Variants in ATXN1 observed in about 807,000 individuals in gnomAD.
ATXN1 encodes ataxin 1.
A neutral mutation model predicts 56.4 loss-of-function variants in ATXN1; 8 were observed. That is an observed-to-expected ratio of 0.14 (90% CI 0.08 to 0.26). ATXN1 has a LOEUF of 0.26. Among genes scored for constraint, ATXN1 ranks in the 10% least tolerant of loss-of-function variants. The pLI is 1.00. For missense variants in ATXN1, 987 were observed against 1,106.5 expected (o/e 0.89, Z 1.53); for synonymous variants, 514 against 494.6 (o/e 1.04, Z -0.52).
chr6:16,609,861 A>G (rs1395541443), intron 3 of ATXN1, among the ~76,000 whole-genome samples: 1 of 152,224 alleles, frequency 6.6e-6, no homozygotes, highest in Non-Finnish European at 1.5e-5. Context: ...GGAGGAGGAA[A>G]AAGAAGGGGA....
chr6:16,733,190 T>C (rs1760030330), intron 2 of ATXN1, among the ~76,000 whole-genome samples: 1 of 152,222 alleles, frequency 6.6e-6, no homozygotes, highest in African/African-American at 2.4e-5. Context: ...TTCCACTTAA[T>C]GGTTTTTGAT....
At chr6:16,438,971 A>T (rs1759448304) in intron 6 of ATXN1, among the ~76,000 whole-genome samples, 1 of 152,292 alleles carries the variant, frequency 6.6e-6, no homozygotes, top group Admixed American at 6.5e-5. Flanking sequence ...AGTCTAACAG[A>T]GTCATTAATA....
intron 4 of ATXN1, among the ~76,000 whole-genome samples, chr6:16,532,950 T>TAATTCAC (rs1412662859): frequency 1.3e-5 from 2 of 152,210 alleles, no homozygotes; most frequent in African/African-American, 4.8e-5. Flanking sequence ...CATAGCCACA[T>TAATTCAC]AATTCACAAT....
At chr6:16,608,688 C>T (rs1763053673) in intron 3 of ATXN1, among the ~76,000 whole-genome samples, 1 of 152,164 alleles carries the variant, frequency 6.6e-6, no homozygotes, top group South Asian at 2.1e-4. Flanking sequence ...CTGGCTGCTA[C>T]TTGAGAGTTC....
intron 6 of ATXN1, among the ~76,000 whole-genome samples, chr6:16,330,026 G>C (rs538730332): frequency 2.2e-4 from 33 of 152,268 alleles, no homozygotes; most frequent in Non-Finnish European, 4.1e-4. Context: ...CACACCCTTG[G>C]GTTTTGGTAT....
chr6:16,661,589 T>C (rs1214606407), intron 2 of ATXN1, among the ~76,000 whole-genome samples: 1 of 152,224 alleles, frequency 6.6e-6, no homozygotes, highest in Non-Finnish European at 1.5e-5. Flanking sequence ...TTCTTGAGTG[T>C]GGACTGGATT....
intron 6 of ATXN1, among the ~76,000 whole-genome samples, chr6:16,372,954 CAAACAAACAAACAAAT>C (rs1374128266): frequency 7.2e-6 from 1 of 138,328 alleles, no homozygotes; most frequent in Non-Finnish European, 1.6e-5. Flanking sequence ...AACAAACAAA[CAAACAAACAAACAAAT>C]AAATGAACCT....
intron 6 of ATXN1, among the ~76,000 whole-genome samples, chr6:16,364,048 C>T (rs983859470): frequency 1.3e-5 from 2 of 152,138 alleles, no homozygotes; most frequent in Admixed American, 1.3e-4. Flanking sequence ...CTTTTATTTA[C>T]CATGTTCAGA....
intron 2 of ATXN1, among the ~76,000 whole-genome samples, chr6:16,730,133 A>G (rs1226405930): frequency 1.3e-5 from 2 of 152,154 alleles, no homozygotes; most frequent in African/African-American, 4.8e-5. Flanking sequence ...AAATACAAAA[A>G]TTAGTCGGGC....
chr6:16,622,201 T>C (rs970295515), intron 3 of ATXN1, among the ~76,000 whole-genome samples: 3 of 152,100 alleles, frequency 2.0e-5, no homozygotes, highest in Admixed American at 2.0e-4. Flanking sequence ...GTAAGTGCAA[T>C]AAGGAAAAAT....
intron 2 of ATXN1, among the ~76,000 whole-genome samples, chr6:16,678,552 T>A (rs1758733718): frequency 6.6e-6 from 1 of 152,178 alleles, no homozygotes. Flanking sequence ...GACAGAAAGC[T>A]GAGTAGGAAC....
chr6:16,679,874 C>T (rs1295045788), intron 2 of ATXN1, among the ~76,000 whole-genome samples: 1 of 152,106 alleles, frequency 6.6e-6, no homozygotes, highest in Non-Finnish European at 1.5e-5. Flanking sequence ...AACAAATGTA[C>T]TGTTGTTAAA....
At chr6:16,531,734 A>G (rs2744413) in intron 4 of ATXN1, among the ~76,000 whole-genome samples, 13,687 of 152,200 alleles carry the variant, frequency 0.09, 1,277 homozygotes, top group African/African-American at 0.24. Flanking sequence ...TCAAAAAACA[A>G]AGGCAAAGAA....
At chr6:16,522,125 T>C (rs1761305377) in intron 5 of ATXN1, among the ~76,000 whole-genome samples, 1 of 152,162 alleles carries the variant, frequency 6.6e-6, no homozygotes, top group South Asian at 2.1e-4. Context: ...TCTGCTACTC[T>C]CCATGAAGCC....
intron 4 of ATXN1, among the ~76,000 whole-genome samples, chr6:16,581,058 G>A (rs1371879044): frequency 1.3e-5 from 2 of 151,920 alleles, no homozygotes; most frequent in African/African-American, 2.4e-5. Flanking sequence ...TAGTCGAAGG[G>A]TTGAGAGGGA....
chr6:16,398,929 G>A (rs1758509379), intron 6 of ATXN1, among the ~76,000 whole-genome samples: 1 of 152,182 alleles, frequency 6.6e-6, no homozygotes, highest in African/African-American at 2.4e-5. Context: ...AAGTTGAACC[G>A]ATTGTACAAC....
chr6:16,325,758 GAC>G (rs1379797909), intron 7 of ATXN1, among the ~76,000 whole-genome samples: 2 of 151,958 alleles, frequency 1.3e-5, no homozygotes, highest in African/African-American at 4.8e-5. Context: ...TAAATAATAA[GAC>G]ATTATATATA....
intron 6 of ATXN1, among the ~76,000 whole-genome samples, chr6:16,379,685 A>G (rs1329610119): frequency 2.0e-5 from 3 of 152,228 alleles, no homozygotes; most frequent in Non-Finnish European, 4.4e-5. Context: ...TTGAGACTCC[A>G]TGTCTTGTTG....
At chr6:16,402,710 T>C (rs1484993142) in intron 6 of ATXN1, among the ~76,000 whole-genome samples, 1 of 152,194 alleles carries the variant, frequency 6.6e-6, no homozygotes, top group Admixed American at 6.5e-5. Flanking sequence ...CAGCCCTCAC[T>C]GACATTAACC....
Sources: allele counts gnomAD v4.1 joint callset (sites outside exome capture counted in the v4.1 genomes callset), GRCh38; gene constraint gnomAD v4.1.1; transcripts MANE v1.5; gene names NCBI Gene and HGNC (gene_info 2026-07-23, HGNC 2026-07-21).